The following HMCN1 variants were observed in gnomAD, a reference collection of about 807,000 sequenced individuals.
HMCN1 encodes the protein hemicentin-1.
HMCN1 carries 321 observed loss-of-function variants against 625.9 expected under a neutral mutation model. That is an observed-to-expected ratio of 0.51 (90% CI 0.47 to 0.56). The LOEUF is 0.56. HMCN1 is among the 20% of genes least tolerant of loss of function. The pLI is 0.00. For synonymous variants in HMCN1, 2,425 were observed against 2,417.6 expected, an observed-to-expected ratio of 1.00 and a Z score of -0.09; for missense variants, 6,588 against 6,887.3, an observed-to-expected ratio of 0.96 and a Z score of 1.54.
intron 4 of HMCN1, among the ~76,000 whole-genome samples, chr1:185,874,141 T>C: frequency 6.6e-6 from 1 of 151,958 alleles, no homozygotes; most frequent in South Asian, 2.1e-4. Flanking sequence ...AAATTGAAGG[T>C]CTTATTTTAA....
In HMCN1 at chr1:185,933,044, T is replaced by C. The variant is rs1374863382; in HGVS notation, c.1553-505T>C. Reference sequence around the variant, plus strand: ...CACCTGAACTTCATAAATCAAACTGTTCCCCATTTCTGCTTGAACATTTAT... The same window carrying C: ...CACCTGAACTTCATAAATCAAACTGCTCCCCATTTCTGCTTGAACATTTAT... On this transcript the variant is annotated intron_variant, in intron 10 of 106. Transcript: ENST00000271588. 4.6e-5 allele frequency among the ~76,000 whole-genome samples: 7 copies of C among 152,080 alleles called. No homozygotes were observed. The East Asian group carries it at 1.2e-3, about 25-fold the overall frequency.
At chr1:186,175,001 G>T (rs1218332190) in intron 103 of HMCN1, among the ~76,000 whole-genome samples, 1 of 152,102 alleles carries the variant, frequency 6.6e-6, no homozygotes, top group Admixed American at 6.5e-5. Context: ...TTTTATTTGA[G>T]CATGAAGTAT....
chr1:185,850,032 T>G, intron 2 of HMCN1, among the ~76,000 whole-genome samples: 1 of 152,172 alleles, frequency 6.6e-6, no homozygotes, highest in East Asian at 1.9e-4. Context: ...AACTGCATTG[T>G]TCTGGTTGTT....
chr1:185,994,516 TA>T (rs1168824989), intron 23 of HMCN1, among the ~76,000 whole-genome samples: 1 of 152,188 alleles, frequency 6.6e-6, no homozygotes, highest in Non-Finnish European at 1.5e-5. Context: ...CCTAATATTT[TA>T]AAATGCTTTC....
chr1:186,063,212 A>T (rs1175442158), intron 48 of HMCN1, among the ~76,000 whole-genome samples: 1 of 150,256 alleles, frequency 6.7e-6, no homozygotes, highest in African/African-American at 2.5e-5. Flanking sequence ...TCTTTTTGTT[A>T]TGACTTATTT....
chr1:186,004,828 G>A (rs184240798), intron 29 of HMCN1, among the ~76,000 whole-genome samples: 114 of 152,244 alleles, frequency 7.5e-4, no homozygotes, highest in East Asian at 5.8e-4. Flanking sequence ...CTGCAACACT[G>A]TGATGGCAAA....
In HMCN1 at chr1:185,864,643, A is replaced by T; in HGVS notation, c.498+15A>T. ...AACAGTCACAAGTGAGTAAGAATCA[A>T]CCCCAAACGTCTCTGTCTAAATGCA... is the stretch of plus-strand genomic sequence containing the variant. On this transcript the variant is annotated intron_variant, in intron 3 of 106. Transcript: ENST00000271588. 1 of 1,613,196 alleles carries T rather than the reference A, an allele frequency of 6.2e-7. No individual in the cohort carries two copies. The highest frequency in any genetic ancestry group is 8.5e-7 in the Non-Finnish European group (1 of 1,179,392).
At chr1:185,943,857 C>G (rs1177011709) in intron 11 of HMCN1, among the ~76,000 whole-genome samples, 1 of 152,130 alleles carries the variant, frequency 6.6e-6, no homozygotes, top group Non-Finnish European at 1.5e-5. Flanking sequence ...ATCTAAGAAC[C>G]CGCCATCCCC....
intron 93 of HMCN1, 151 bp from the exon 94 acceptor site, chr1:186,151,049 A>G (rs904544428): frequency 2.1e-5 from 15 of 714,968 alleles, no homozygotes; most frequent in Admixed American, 5.2e-5. Context: ...TTAAAAGCTT[A>G]TTTATTTCAC....
At position 186,055,436 on chromosome 1, in the gene HMCN1, T is replaced by G; in HGVS notation, c.6906T>G (p.Ile2302Met). ...ITNSGSHPTEIIVTRGKSISL... is the reference protein window; with the variant it reads ...ITNSGSHPTEMIVTRGKSISL... ...ACAGTGGCAGCCACCCTACTGAAAT[T>G]ATTGTGACCCGAGGGAAGAGTATCT... The change falls in exon 45 of 107, where the codon ATT becomes ATG. Residue 2302 changes from isoleucine to methionine, a missense_variant. By Grantham distance (10) the Ile-to-Met change is conservative. This residue lies in a region of HMCN1 where 4,628 missense variants were observed against 4,853.1 expected (regional missense o/e 0.95). Transcript: ENST00000271588. 1.2e-6 allele frequency: 2 copies of G among 1,612,674 alleles called. No homozygotes were observed. The highest frequency in any genetic ancestry group is 1.7e-6 in the Non-Finnish European group (2 of 1,179,146).
intron 103 of HMCN1, among the ~76,000 whole-genome samples, chr1:186,175,200 AG>A (rs775556179): frequency 3.9e-5 from 6 of 152,240 alleles, no homozygotes; most frequent in Non-Finnish European, 7.3e-5. Context: ...GAAGGCAAAT[AG>A]AAAATATCTG....
chr1:185,969,709 A>C (rs1011916675), intron 14 of HMCN1, among the ~76,000 whole-genome samples: 1 of 152,186 alleles, frequency 6.6e-6, no homozygotes, highest in Non-Finnish European at 1.5e-5. Flanking sequence ...CAAACAAAAA[A>C]GATGTGGACA....
intron 1 of HMCN1, among the ~76,000 whole-genome samples, chr1:185,837,734 C>A (rs1031062879): frequency 6.6e-6 from 1 of 152,020 alleles, no homozygotes; most frequent in East Asian, 1.9e-4. Flanking sequence ...TCATGATAAA[C>A]CTGGAACAAA....
chr1:185,936,588 A>G (rs1162814357), intron 11 of HMCN1, among the ~76,000 whole-genome samples: 1 of 152,154 alleles, frequency 6.6e-6, no homozygotes. Context: ...ATACTCATTA[A>G]TAGCTCTAAC....
chr1:185,827,112 C>T (rs1399945421), intron 1 of HMCN1, among the ~76,000 whole-genome samples: 3 of 143,156 alleles, frequency 2.1e-5, no homozygotes, highest in African/African-American at 5.2e-5. Context: ...GCAGAGCTTG[C>T]AGTGAGCCGA....
intron 1 of HMCN1, among the ~76,000 whole-genome samples, chr1:185,786,941 A>G (rs1657616458): frequency 6.6e-6 from 1 of 152,214 alleles, no homozygotes; most frequent in Admixed American, 6.5e-5. Flanking sequence ...ATGATGGGAC[A>G]TGCTTTTTTG....
At chr1:186,005,401 A>G (rs892138484) in intron 29 of HMCN1, among the ~76,000 whole-genome samples, 4 of 149,036 alleles carry the variant, frequency 2.7e-5, no homozygotes, top group African/African-American at 1.0e-4. Flanking sequence ...CAAGTTTTTA[A>G]TTGTTTATAA....
At chr1:185,944,657 G>T (rs755603444) in intron 11 of HMCN1, among the ~76,000 whole-genome samples, 82 of 152,196 alleles carry the variant, frequency 5.4e-4, no homozygotes, top group Non-Finnish European at 1.0e-3. Flanking sequence ...TGGTAGAGTA[G>T]CTGCTAAGGA....
rs773577908 is a variant in HMCN1, at chr1:186,130,024, G to C, written c.12963G>C (p.Glu4321Asp). 25 of 1,613,230 alleles carry C rather than the reference G, an allele frequency of 1.5e-5. No individual in the cohort carries two copies. In the East Asian group the frequency reaches 5.1e-4, roughly 33 times the overall value. Residue 4321 changes from glutamate to aspartate, a missense_variant, in exon 84 of 107, where the codon GAG becomes GAC. Physicochemically the swap from Glu to Asp is conservative, Grantham distance 45. Coordinates refer to ENST00000271588, the MANE Select transcript of HMCN1 (RefSeq NM_031935.3). ...SELVIERVSK[E>D]DSGTYVCTAE... ...TTGTTATTGAAAGAGTGTCAAAAGA[G>C]GATTCAGGTACTTATGTGTGCACCG... is the stretch of plus-strand genomic sequence containing the variant.
Sources: gnomAD v4.1 joint callset for allele counts (sites outside exome capture counted in the v4.1 genomes callset) on GRCh38, gnomAD v4.1.1 for gene constraint, gnomAD v4.1.1 regional missense constraint, MANE v1.5 for transcripts, NCBI Gene and HGNC (gene_info 2026-07-23, HGNC 2026-07-21) for gene names.